The following ATXN7L1 variants were observed in gnomAD, a reference collection of about 807,000 sequenced individuals.
ATXN7L1 encodes ataxin-7-like protein 1.
Under a neutral mutation model 70.8 loss-of-function variants are expected in ATXN7L1, and 15 were observed. That is an observed-to-expected ratio of 0.21 (90% confidence interval 0.14 to 0.33). ATXN7L1 has a LOEUF of 0.33. Among genes scored for constraint, ATXN7L1 ranks in the 10% least tolerant of loss-of-function variants. The pLI is 1.00. For synonymous variants in ATXN7L1, 440 were observed against 445.1 expected (o/e 0.99, Z 0.14); for missense variants, 975 against 1,097.1 (o/e 0.89, Z 1.57).
chr7:105,608,862 A>C lies in ATXN7L1; in HGVS notation c.2548-972T>G, dbSNP rs1439022393. On this transcript the variant is annotated intron_variant, in intron 11 of 11. Transcript: ENST00000419735. ...TTGGTGTCTACAAAACATGCGGTAC[A>C]TCTCAGGCAACATAACAACACGGTT... Among the ~76,000 whole-genome samples the C allele has an allele frequency of 2.6e-5, 4 of 152,198 alleles. No homozygotes were observed. The East Asian group carries it at 7.7e-4, about 29-fold the overall frequency.
intron 2 of ATXN7L1, among the ~76,000 whole-genome samples, chr7:105,874,102 C>T (rs1818673663): frequency 1.5e-5 from 2 of 132,700 alleles, no homozygotes; most frequent in East Asian, 2.1e-4. Flanking sequence ...TCCAGCCTGG[C>T]GACAGAGTGA....
At chr7:105,788,417 G>A (rs67453058) in intron 3 of ATXN7L1, 187 bp downstream of exon 3, 105,402 of 576,944 alleles carry the variant, frequency 0.18, 11,284 homozygotes, top group Non-Finnish European at 0.23. Flanking sequence ...ACAGGACTGC[G>A]GATTTCAGCA....
intron 3 of ATXN7L1, among the ~76,000 whole-genome samples, chr7:105,735,515 C>G (rs1420586474): frequency 6.6e-6 from 1 of 152,072 alleles, no homozygotes; most frequent in Non-Finnish European, 1.5e-5. Context: ...GAGACTGGAC[C>G]CAACATTCTC....
intron 2 of ATXN7L1, among the ~76,000 whole-genome samples, 176 bp downstream of exon 2, chr7:105,875,636 C>CA (rs1554490272): frequency 1.3e-4 from 17 of 131,504 alleles, no homozygotes; most frequent in East Asian, 2.7e-4. Context: ...TACCCCCCCC[C>CA]CAGTTGTATT....
chr7:105,719,897 T>C (rs1471959142), intron 3 of ATXN7L1, among the ~76,000 whole-genome samples: 2 of 152,204 alleles, frequency 1.3e-5, no homozygotes, highest in Non-Finnish European at 2.9e-5. Context: ...GAATCATGCA[T>C]TTAAAAGTTG....
intron 3 of ATXN7L1, among the ~76,000 whole-genome samples, chr7:105,713,263 C>G (rs1052312173): frequency 6.6e-6 from 1 of 152,238 alleles, no homozygotes; most frequent in Non-Finnish European, 1.5e-5. Context: ...GGACACATAT[C>G]CAAACCATAT....
intron 2 of ATXN7L1, among the ~76,000 whole-genome samples, chr7:105,871,734 A>G (rs1818300712): frequency 6.6e-6 from 1 of 151,980 alleles, no homozygotes; most frequent in African/African-American, 2.4e-5. Context: ...AAATTGGCAA[A>G]TTCCTCTTAG....
intron 7 of ATXN7L1, among the ~76,000 whole-genome samples, chr7:105,629,691 T>G (rs1796299137): frequency 6.6e-6 from 1 of 150,920 alleles, no homozygotes; most frequent in African/African-American, 2.4e-5. Context: ...AATTTTTTTG[T>G]ATTTTTAGTA....
chr7:105,799,204 G>T (rs888437654), intron 2 of ATXN7L1, among the ~76,000 whole-genome samples: 2 of 152,232 alleles, frequency 1.3e-5, no homozygotes, highest in Admixed American at 1.3e-4. Context: ...AAGGCACAAG[G>T]AGAGGCCTTT....
intron 2 of ATXN7L1, among the ~76,000 whole-genome samples, chr7:105,834,468 A>G (rs1456372362): frequency 2.0e-5 from 3 of 152,186 alleles, no homozygotes; most frequent in Admixed American, 1.3e-4. Context: ...TTACACTTTT[A>G]TCAACAACAG....
intron 2 of ATXN7L1, among the ~76,000 whole-genome samples, chr7:105,806,974 T>A (rs1255522577): frequency 6.6e-6 from 1 of 152,228 alleles, no homozygotes; most frequent in African/African-American, 2.4e-5. Context: ...AGGGCTTTAG[T>A]CTGCAAGAAG....
chr7:105,652,205 G>A (rs73192182), intron 4 of ATXN7L1, among the ~76,000 whole-genome samples: 1 of 152,338 alleles, frequency 6.6e-6, no homozygotes, highest in Non-Finnish European at 1.5e-5. Context: ...AGCTGTGTCT[G>A]CAGCAGTGTA....
intron 7 of ATXN7L1, among the ~76,000 whole-genome samples, chr7:105,634,309 G>A (rs1797051771): frequency 6.6e-6 from 1 of 152,218 alleles, no homozygotes; most frequent in Admixed American, 6.5e-5. Flanking sequence ...TCAGGGAAAT[G>A]CAGAGAAAAT....
chr7:105,829,658 G>A (rs1045489863), intron 2 of ATXN7L1, among the ~76,000 whole-genome samples: 3 of 152,144 alleles, frequency 2.0e-5, no homozygotes, highest in African/African-American at 7.2e-5. Flanking sequence ...CATCTTCAAC[G>A]TAACCAAAAT....
chr7:105,790,417 A>G (rs1238596321), intron 2 of ATXN7L1, among the ~76,000 whole-genome samples: 2 of 151,942 alleles, frequency 1.3e-5, no homozygotes, highest in Non-Finnish European at 2.9e-5. Context: ...CATCTCTACG[A>G]AAAATGTACA....
chr7:105,659,732 C>G (rs983086115), intron 4 of ATXN7L1, among the ~76,000 whole-genome samples: 4 of 152,140 alleles, frequency 2.6e-5, no homozygotes, highest in Admixed American at 1.3e-4. Flanking sequence ...TGTTCTTCTT[C>G]TTCTCACACC....
chr7:105,778,327 C>T (rs372848096), intron 3 of ATXN7L1, among the ~76,000 whole-genome samples: 6 of 137,320 alleles, frequency 4.4e-5, no homozygotes, highest in Admixed American at 7.9e-5. Flanking sequence ...GGCAACATGG[C>T]GAAACCCGCA....
chr7:105,614,328 G>A lies in ATXN7L1; in HGVS notation c.2006C>T (p.Pro669Leu). 9 of 1,552,358 alleles carry A rather than the reference G, an allele frequency of 5.8e-6. No individual in the cohort carries two copies. The highest frequency in any genetic ancestry group is 1.2e-5 in the South Asian group (1 of 84,054). Residue 669 changes from proline (P) to leucine (L), a missense_variant, in exon 10 of 12, where the codon CCA becomes CTA. Transcript: ENST00000419735. This position sits in a 1 kb window ranked among gnomAD's most constrained non-coding sequence, Gnocchi z 4.3. ...GTTCTTTTTGTGAGGCCCTGACAGT[G>A]GAGACGAGAGGGATGTCTGCAAGGA... ...SSSLQTSLSS[P>L]LSGPHKKNCV...
At chr7:105,714,667 T>C (rs570873133) in intron 3 of ATXN7L1, among the ~76,000 whole-genome samples, 242 of 151,900 alleles carry the variant, frequency 1.6e-3, no homozygotes, top group Non-Finnish European at 2.7e-3. Flanking sequence ...CTGTTTTTGT[T>C]TTTGTTTTTG....
Sources: gnomAD v4.1 joint callset for allele counts (sites outside exome capture counted in the v4.1 genomes callset) on GRCh38, gnomAD v4.1.1 for gene constraint, Gnocchi (gnomAD v3.1) non-coding constraint, MANE v1.5 for transcripts, NCBI Gene and HGNC (gene_info 2026-07-23, HGNC 2026-07-21) for gene names.